The following EYA4 variants were observed in gnomAD, a reference collection of about 807,000 sequenced individuals.
EYA4 encodes the protein protein phosphatase EYA4.
In EYA4, 31 loss-of-function variants were observed where a neutral mutation model predicts 87.9. The ratio of observed to expected loss-of-function variants is 0.35; its 90% CI spans 0.27 to 0.48. EYA4 has a LOEUF of 0.48. Ranked by LOEUF, EYA4 falls within the 20% of genes least tolerant of loss-of-function variation. EYA4 has a pLI of 0.99. For synonymous variants in EYA4, 263 were observed against 270.6 expected (o/e 0.97, Z 0.28); for missense variants, 678 against 761.4 (o/e 0.89, Z 1.29).
intron 4 of EYA4, among the ~76,000 whole-genome samples, chr6:133,447,862 T>G (rs1308477132): frequency 6.6e-6 from 1 of 152,206 alleles, no homozygotes; most frequent in Admixed American, 6.5e-5. Context: ...CATTTAAACC[T>G]TAAATTGGGT....
At chr6:133,401,441 G>A (rs755256253) in intron 3 of EYA4, among the ~76,000 whole-genome samples, 1 of 152,114 alleles carries the variant, frequency 6.6e-6, no homozygotes, top group African/African-American at 2.4e-5. Context: ...TATTTAAGAT[G>A]ATGGATATCC....
chr6:133,246,503 G>C (rs1271858299), intron 1 of EYA4, among the ~76,000 whole-genome samples: 1 of 151,508 alleles, frequency 6.6e-6, no homozygotes, highest in Non-Finnish European at 1.5e-5. Context: ...GGCAAAGTCT[G>C]ATTCCTATTA....
chr6:133,468,491 A>G, intron 10 of EYA4, 75 bp from the exon 11 acceptor site: 1 of 1,212,420 alleles, frequency 8.2e-7, no homozygotes, highest in Non-Finnish European at 1.2e-6. Context: ...CAGTTACCAT[A>G]ATGACTGGTT....
rs531723649 is a variant in EYA4 at position 133,514,601 on chromosome 6, T to C, written c.1502-720T>C. On this transcript the variant is annotated intron_variant, in intron 16 of 19. Coordinates refer to ENST00000355286, the MANE Select transcript of EYA4 (RefSeq NM_004100.5). ...GCTCCCGATATTCTAAAACACAATT[T>C]CAATAAGAAACCTTCCTTTTTAATG... 7.2e-5 allele frequency among the ~76,000 whole-genome samples: 11 copies of C among 152,284 alleles called. No homozygotes were observed. In the South Asian group the frequency reaches 2.3e-3, roughly 32 times the overall value.
At chr6:133,337,858 A>G (rs981485726) in intron 2 of EYA4, among the ~76,000 whole-genome samples, 1 of 152,190 alleles carries the variant, frequency 6.6e-6, no homozygotes, top group African/African-American at 2.4e-5. Flanking sequence ...GACCACACAC[A>G]TTTACGCTGC....
intron 19 of EYA4, among the ~76,000 whole-genome samples, chr6:133,527,167 C>T (rs1412218513): frequency 6.6e-6 from 1 of 152,248 alleles, no homozygotes; most frequent in East Asian, 1.9e-4. Flanking sequence ...TATTTTAAAA[C>T]AGAGGTGATT....
At chr6:133,506,062 G>A (rs765154629) in intron 13 of EYA4, 44 bp from the exon 14 acceptor site, 26 of 1,088,260 alleles carry the variant, frequency 2.4e-5, no homozygotes, top group South Asian at 9.9e-5. Flanking sequence ...AATAATAAGC[G>A]CTTACTGAAA....
At chr6:133,464,689 A>T (rs1184393573) in intron 9 of EYA4, 90 bp from the exon 10 acceptor site, 1 of 842,324 alleles carries the variant, frequency 1.2e-6, no homozygotes, top group Non-Finnish European at 2.0e-6. Context: ...CAAATTTCAA[A>T]GTGTTTCTCT....
chr6:133,335,175 G>A (rs1782272584), intron 2 of EYA4, among the ~76,000 whole-genome samples: 1 of 152,084 alleles, frequency 6.6e-6, no homozygotes, highest in Non-Finnish European at 1.5e-5. Flanking sequence ...TTAAACATCT[G>A]AAAAACAAAA....
intron 2 of EYA4, among the ~76,000 whole-genome samples, chr6:133,309,194 A>AT (rs35448536): frequency 0.24 from 36,700 of 151,768 alleles, 5,483 homozygotes; most frequent in East Asian, 0.48. Context: ...CTTTAAATAT[A>AT]TTTTTTATTA....
At chr6:133,350,455 A>T (rs911688598) in intron 2 of EYA4, among the ~76,000 whole-genome samples, 1 of 152,056 alleles carries the variant, frequency 6.6e-6, no homozygotes, top group African/African-American at 2.4e-5. Flanking sequence ...TGAAATGGGG[A>T]CTTTTGAGCA....
chr6:133,370,768 C>T (rs1426318978), intron 2 of EYA4, among the ~76,000 whole-genome samples: 1 of 152,088 alleles, frequency 6.6e-6, no homozygotes, highest in Non-Finnish European at 1.5e-5. Flanking sequence ...TGAATTTGAA[C>T]TTTTCATTAG....
At chr6:133,273,337 GC>G (rs1334033619) in intron 1 of EYA4, among the ~76,000 whole-genome samples, 1 of 151,872 alleles carries the variant, frequency 6.6e-6, no homozygotes, top group African/African-American at 2.4e-5. Flanking sequence ...ATATTCGCTG[GC>G]AGCTGATTAG....
At chr6:133,456,490 A>G in intron 5 of EYA4, 66 bp from the exon 6 acceptor site, 1 of 1,086,958 alleles carries the variant, frequency 9.2e-7, no homozygotes, top group South Asian at 1.2e-5. Context: ...TATCACTAGT[A>G]GAACGGACAG....
At position 133,461,130 on chromosome 6, in the gene EYA4, C is replaced by T; in HGVS notation, c.387C>T (p.Gly129=). 6.2e-7 allele frequency: 1 copy of T among 1,612,830 alleles called. No homozygotes were observed. Among genetic ancestry groups the T allele is most frequent in the Non-Finnish European group, 8.5e-7 (1 of 1,178,952 alleles). Residue 129 remains glycine (G), a synonymous_variant, in exon 7 of 20, where the codon GGC becomes GGT. Transcript: ENST00000355286. ...GTCTTACAGTAATTACAAGTAGTGG[C>T]TACAGCCCCAGATCAGCACATCAGT... is the stretch of plus-strand genomic sequence containing the variant. ...TFTGSVITSS[G]YSPRSAHQYS...
At chr6:133,264,716 C>T (rs1267520526) in intron 1 of EYA4, among the ~76,000 whole-genome samples, 7 of 152,278 alleles carry the variant, frequency 4.6e-5, no homozygotes, top group Non-Finnish European at 7.3e-5. Flanking sequence ...TGTGCAGCGT[C>T]GGTCCTCATT....
chr6:133,297,233 G>A (rs541808836), intron 2 of EYA4, among the ~76,000 whole-genome samples: 1 of 152,174 alleles, frequency 6.6e-6, no homozygotes, highest in East Asian at 1.9e-4. Context: ...TTATTTGTGG[G>A]AATCCCTGGG....
At chr6:133,519,150 G>C (rs1799873075) in intron 17 of EYA4, among the ~76,000 whole-genome samples, 1 of 151,184 alleles carries the variant, frequency 6.6e-6, no homozygotes, top group Non-Finnish European at 1.5e-5. Flanking sequence ...TAAAATCAGA[G>C]CAGAACTGAA....
At chr6:133,303,391 A>G (rs1779561053) in intron 2 of EYA4, among the ~76,000 whole-genome samples, 1 of 152,160 alleles carries the variant, frequency 6.6e-6, no homozygotes, top group Non-Finnish European at 1.5e-5. Context: ...TCACTTAACT[A>G]GAGAGGTTGT....
Sources: gnomAD v4.1 joint callset for allele counts (sites outside exome capture counted in the v4.1 genomes callset) on GRCh38, gnomAD v4.1.1 for gene constraint, MANE v1.5 for transcripts, NCBI Gene and HGNC (gene_info 2026-07-23, HGNC 2026-07-21) for gene names.